BCKDHB: variants seen among roughly 807,000 people sequenced by gnomAD.
BCKDHB encodes branched chain keto acid dehydrogenase E1 subunit beta.
In BCKDHB, 41 loss-of-function variants were observed where a neutral mutation model predicts 48.5. That is an observed-to-expected ratio of 0.85 (90% CI 0.66 to 1.10). The LOEUF (loss-of-function observed/expected upper bound fraction) is 1.10, where lower values mean the gene tolerates loss of function less well. Among genes scored for constraint, BCKDHB ranks in the 50% least tolerant of loss-of-function variants. The probability of loss-of-function intolerance (pLI) is 0.00; values close to 1 mark genes in which losing one functional copy is unlikely to be tolerated. For synonymous variants in BCKDHB, 201 were observed against 174.8 expected, an observed-to-expected ratio of 1.15 and a Z score of -1.18; for missense variants, 496 against 494.2, an observed-to-expected ratio of 1.00 and a Z score of -0.03.
intron 9 of BCKDHB, among the ~76,000 whole-genome samples, chr6:80,273,777 TA>T (rs61338854): frequency 1.3e-5 from 2 of 151,870 alleles, no homozygotes; most frequent in Admixed American, 6.6e-5. Context: ...TATGTTTTTT[TA>T]AAAAAAATGC....
At position 80,142,141 on chromosome 6, in the gene BCKDHB, T is replaced by C. The variant is rs574527438; in HGVS notation, c.343+12912T>C. 1.6e-3 allele frequency among the ~76,000 whole-genome samples: 238 copies of C among 152,246 alleles called. 1 individual carries two copies. Among genetic ancestry groups the C allele is most frequent in the South Asian group, 3.7e-3 (18 of 4,822 alleles). ...ATATAATTTTTGGATTACAAGCCTG[T>C]TCTTTTGCTTTAAACTTCCCATTTC... is the stretch of plus-strand genomic sequence containing the variant. On this transcript the variant is annotated intron_variant, in intron 3 of 9. Coordinates refer to ENST00000320393, the MANE Select transcript of BCKDHB (RefSeq NM_183050.4).
intron 6 of BCKDHB, among the ~76,000 whole-genome samples, chr6:80,198,379 GGTTT>G (rs1308543085): frequency 1.8e-4 from 27 of 152,152 alleles, no homozygotes; most frequent in African/African-American, 5.5e-4. Context: ...TTATGTTCCA[GGTTT>G]GTTAGCTTAA....
At chr6:80,246,394 T>C (rs1776615953) in intron 8 of BCKDHB, among the ~76,000 whole-genome samples, 1 of 152,282 alleles carries the variant, frequency 6.6e-6, no homozygotes, top group African/African-American at 2.4e-5. Context: ...ATACAACAAT[T>C]GGGGCATCTT....
the BCKDHB span, among the ~76,000 whole-genome samples, chr6:80,357,931 G>A: frequency 6.6e-6 from 1 of 152,246 alleles, no homozygotes; most frequent in African/African-American, 2.4e-5. Context: ...CACACAAATA[G>A]ATTCCTTAGA....
At chr6:80,323,058 A>G (rs749985443) in intron 9 of BCKDHB, among the ~76,000 whole-genome samples, 4 of 152,160 alleles carry the variant, frequency 2.6e-5, no homozygotes, top group Non-Finnish European at 4.4e-5. Flanking sequence ...GTTCTGCCAC[A>G]TGCAAAGTGC....
the BCKDHB span, among the ~76,000 whole-genome samples, chr6:80,382,562 C>A: frequency 6.6e-6 from 1 of 152,136 alleles, no homozygotes; most frequent in South Asian, 2.1e-4. Context: ...CAGCATTCAA[C>A]CTTTGTGCCC....
At chr6:80,149,702 A>G (rs375606175) in intron 3 of BCKDHB, among the ~76,000 whole-genome samples, 10,792 of 151,004 alleles carry the variant, frequency 0.071, 481 homozygotes, top group South Asian at 0.098. Flanking sequence ...ATTGGAAATC[A>G]TCATTCTCAG....
the BCKDHB span, among the ~76,000 whole-genome samples, chr6:80,371,212 A>T: frequency 3.9e-5 from 6 of 152,058 alleles, no homozygotes; most frequent in East Asian, 1.2e-3. Flanking sequence ...TCACATTGTC[A>T]TTTTGATATG....
In BCKDHB at chr6:80,185,090, G is replaced by A. The variant is rs902321042; in HGVS notation, c.742+13700G>A. 2.0e-5 allele frequency among the ~76,000 whole-genome samples: 3 copies of A among 152,136 alleles called. No individual in the cohort carries two copies. The East Asian group carries it at 5.8e-4, about 29-fold the overall frequency. ...ACACCAATTATTCTTAGGTTTGGTC[G>A]TTTAACATAATCCCAAATTTCTTGG... On this transcript the variant is annotated intron_variant, in intron 6 of 9. Coordinates refer to ENST00000320393, the MANE Select transcript of BCKDHB (RefSeq NM_183050.4).
intron 9 of BCKDHB, among the ~76,000 whole-genome samples, chr6:80,342,132 C>G (rs1048147669): frequency 2.0e-5 from 3 of 152,214 alleles, no homozygotes; most frequent in South Asian, 4.2e-4. Context: ...TTTGCATTTT[C>G]TTTCTGCCCC....
chr6:80,257,157 G>A (rs1317249899), intron 8 of BCKDHB, among the ~76,000 whole-genome samples: 1 of 152,044 alleles, frequency 6.6e-6, no homozygotes, highest in African/African-American at 2.4e-5. Flanking sequence ...GCTATGCACT[G>A]ATGCCCTGAA....
intron 4 of BCKDHB, among the ~76,000 whole-genome samples, chr6:80,168,497 AAGG>A (rs1261671258): frequency 7.5e-6 from 1 of 134,060 alleles, no homozygotes; most frequent in Non-Finnish European, 1.6e-5. Flanking sequence ...AAAGAAAGGA[AAGG>A]AGGGAGGGAA....
At chr6:80,185,497 T>C (rs1253542526) in intron 6 of BCKDHB, among the ~76,000 whole-genome samples, 1 of 152,122 alleles carries the variant, frequency 6.6e-6, no homozygotes, top group Non-Finnish European at 1.5e-5. Context: ...TACAGAACCT[T>C]GTTTTGCCAT....
chr6:80,120,633 T>C (rs889905132), intron 1 of BCKDHB, among the ~76,000 whole-genome samples: 1 of 152,244 alleles, frequency 6.6e-6, no homozygotes, highest in African/African-American at 2.4e-5. Flanking sequence ...CATTTTCTCA[T>C]GTGTCTGTTG....
At chr6:80,226,580 G>A (rs1048409571) in intron 8 of BCKDHB, among the ~76,000 whole-genome samples, 3 of 152,204 alleles carry the variant, frequency 2.0e-5, no homozygotes, top group Non-Finnish European at 4.4e-5. Context: ...TTGAGTGACA[G>A]TCATGAATAT....
chr6:80,453,174 G>A, the BCKDHB span: 1 of 152,152 alleles, frequency 6.6e-6, no homozygotes, highest in South Asian at 2.1e-4. Context: ...TGGGGGCTCT[G>A]CTCATTATAG....
At chr6:80,238,047 C>A (rs1776216775) in intron 8 of BCKDHB, among the ~76,000 whole-genome samples, 1 of 152,100 alleles carries the variant, frequency 6.6e-6, no homozygotes, top group African/African-American at 2.4e-5. Flanking sequence ...TTCCTTCCTC[C>A]CTCCTTCGCT....
At chr6:80,251,535 T>C (rs1265981333) in intron 8 of BCKDHB, among the ~76,000 whole-genome samples, 1 of 152,212 alleles carries the variant, frequency 6.6e-6, no homozygotes, top group African/African-American at 2.4e-5. Flanking sequence ...GTAAATCATG[T>C]GTCTGTTCTG....
intron 6 of BCKDHB, among the ~76,000 whole-genome samples, chr6:80,181,343 T>C (rs1477288739): frequency 2.6e-5 from 4 of 152,242 alleles, no homozygotes; most frequent in African/African-American, 9.6e-5. Context: ...TGGCTTACCT[T>C]ATTTTCTTAA....
Sources: allele counts gnomAD v4.1 joint callset (sites outside exome capture counted in the v4.1 genomes callset), GRCh38; gene constraint gnomAD v4.1.1; transcripts MANE v1.5; gene names NCBI Gene and HGNC (gene_info 2026-07-23, HGNC 2026-07-21).